The following GALNT2 variants were observed in gnomAD, a reference collection of about 807,000 sequenced individuals.
GALNT2 encodes the protein polypeptide N-acetylgalactosaminyltransferase 2.
Under a neutral mutation model 81.4 loss-of-function variants are expected in GALNT2, and 31 were observed. The observed-to-expected ratio is 0.38, with a 90% CI of 0.29 to 0.51. GALNT2 has a LOEUF of 0.51. GALNT2 is among the 20% of genes least tolerant of loss of function. The probability of loss-of-function intolerance (pLI) is 0.87; values close to 1 mark genes in which losing one functional copy is unlikely to be tolerated. For synonymous variants in GALNT2, 303 were observed against 287.4 expected, an observed-to-expected ratio of 1.05 and a Z score of -0.55; for missense variants, 629 against 765.7, an observed-to-expected ratio of 0.82 and a Z score of 2.11.
Position 230,243,507 on chromosome 1 carries a change from G to A in GALNT2, c.729+80G>A. 1 of 1,540,796 alleles carries A rather than the reference G, an allele frequency of 6.5e-7. No homozygotes were observed. The highest frequency in any genetic ancestry group is 1.2e-5 in the South Asian group (1 of 83,604). On this transcript the variant is annotated intron_variant, in intron 7 of 15. Transcript: ENST00000366672. This position sits in a 1 kb window ranked among gnomAD's most constrained non-coding sequence, Gnocchi z 4.2. ...ACAGAAGGGAGCATGGTCCAGGGGA[G>A]GTGTAACGCAGGGAGTAGGGCGTCA...
chr1:230,262,670 G>A lies in GALNT2; in HGVS notation c.1229+5G>A, dbSNP rs548289813. ...TAGAAACGTTCCTTATGGAAAGTAA[G>A]TGGCAGTTCTGCCTTCTCACAATTA... On this transcript the variant is annotated splice_donor_5th_base_variant and intron_variant, in intron 12 of 15. Transcript: ENST00000366672. The A allele has an allele frequency of 3.2e-5, 51 of 1,609,302 alleles. 3 individuals are homozygous for A. The South Asian group carries it at 5.3e-4, about 17-fold the overall frequency.
At chr1:230,266,030 A>G (rs1296276647) in intron 14 of GALNT2, among the ~76,000 whole-genome samples, 1 of 152,120 alleles carries the variant, frequency 6.6e-6, no homozygotes, top group Non-Finnish European at 1.5e-5. Context: ...ATCTCTGCTA[A>G]AAATAAAAAA....
Position 230,067,333 on chromosome 1 carries a change from G to A in GALNT2, c.53G>A (p.Gly18Asp). The part of the protein sequence containing the change: ...LLCFAFLWVL[G>D]IAYYMYSGGG... The stretch of plus-strand genomic sequence containing the variant: ...TGCTTCGCCTTCCTGTGGGTGCTGG[G>A]CATCGCCTACTACATGTACTCGGGG... Residue 18 changes from glycine to aspartate, a missense_variant, in exon 1 of 16, where the codon GGC (glycine) becomes GAC (aspartate). Around this residue, in one of 3 missense-constraint regions of GALNT2, gnomAD observed 62 missense variants for 47.3 expected, o/e 1.31. Transcript: ENST00000366672. 7.2e-7 allele frequency: 1 copy of A among 1,390,312 alleles called. No homozygotes were observed. The highest frequency in any genetic ancestry group is 1.5e-5 in the South Asian group (1 of 64,792). 86.1% of individuals were successfully genotyped at this position (1,390,312 alleles called of 1,614,324 possible).
At chr1:230,152,038 G>A (rs61826566) in intron 1 of GALNT2, among the ~76,000 whole-genome samples, 2 of 152,172 alleles carry the variant, frequency 1.3e-5, no homozygotes, top group Non-Finnish European at 2.9e-5. Context: ...TGGTTTTGGT[G>A]GGTTTTGGCC....
intron 6 of GALNT2, among the ~76,000 whole-genome samples, chr1:230,238,222 A>G (rs1038795525): frequency 6.6e-6 from 1 of 152,240 alleles, no homozygotes; most frequent in Admixed American, 6.5e-5. Context: ...TAGTGATGCT[A>G]CTAGATGACA....
At chr1:230,064,112 A>G (rs551859160), upstream of GALNT2, among the ~76,000 whole-genome samples, 89 of 152,268 alleles carry the variant, frequency 5.8e-4, no homozygotes, top group African/African-American at 2.1e-3. Context: ...TTTTTAATAT[A>G]TTACCCTTAA....
chr1:230,244,041 G>A (rs543667538), intron 7 of GALNT2, among the ~76,000 whole-genome samples: 19 of 151,552 alleles, frequency 1.3e-4, no homozygotes, highest in Non-Finnish European at 2.1e-4. Flanking sequence ...CACTTCTCTC[G>A]CCTTCTGCTT....
intron 1 of GALNT2, among the ~76,000 whole-genome samples, chr1:230,134,972 G>A (rs923469348): frequency 8.5e-5 from 13 of 152,222 alleles, no homozygotes; most frequent in Admixed American, 7.2e-4. Flanking sequence ...TGGCCTGCCT[G>A]TTGTGAGGCT....
chr1:230,126,508 G>A (rs1204926084), intron 1 of GALNT2, among the ~76,000 whole-genome samples: 1 of 152,046 alleles, frequency 6.6e-6, no homozygotes, highest in African/African-American at 2.4e-5. Flanking sequence ...CCGATGCCTC[G>A]AGAGGGTTTG....
intron 1 of GALNT2, 101 bp downstream of exon 1, chr1:230,067,507 G>C (rs1296327974): frequency 7.7e-6 from 3 of 390,878 alleles, no homozygotes; most frequent in South Asian, 1.2e-4. Flanking sequence ...TCCTCCGCCC[G>C]GACCTCCGCT....
At chr1:230,176,180 C>T (rs1662972686) in intron 1 of GALNT2, among the ~76,000 whole-genome samples, 1 of 151,636 alleles carries the variant, frequency 6.6e-6, no homozygotes, top group African/African-American at 2.4e-5. Flanking sequence ...GAGTGCTCAC[C>T]CTGCACTAGT....
intron 1 of GALNT2, among the ~76,000 whole-genome samples, chr1:230,113,678 C>G (rs1660765094): frequency 6.6e-6 from 1 of 152,076 alleles, no homozygotes; most frequent in Admixed American, 6.5e-5. Context: ...GGACTTTCCC[C>G]AGCACAGACA....
Position 230,274,685 on chromosome 1 carries a change from C to G in GALNT2, c.1560+121C>G, listed in dbSNP as rs1666239093. 2.3e-5 allele frequency: 28 copies of G among 1,198,948 alleles called. No homozygotes were observed. In the South Asian group the frequency reaches 5.3e-4, roughly 23 times the overall value. The allele number at this position is 1,198,948 out of a possible 1,614,324, so 74.3% of individuals were successfully genotyped here. ...CCATCTCTGCGTGTACTTATGTGTT[C>G]TTTTGCATCACTGTGAATAATGTCT... On this transcript the variant is annotated intron_variant, in intron 15 of 15. Coordinates refer to ENST00000366672, the MANE Select transcript of GALNT2 (RefSeq NM_004481.5).
intron 1 of GALNT2, among the ~76,000 whole-genome samples, chr1:230,173,355 A>G (rs1023756144): frequency 2.0e-5 from 3 of 152,156 alleles, no homozygotes; most frequent in African/African-American, 7.2e-5. Context: ...CCTCTGGTTA[A>G]ACTTCCCTGA....
chr1:230,141,833 T>G (rs12117086), intron 1 of GALNT2, among the ~76,000 whole-genome samples: 39,999 of 144,106 alleles, frequency 0.28, 6,164 homozygotes, highest in East Asian at 0.63. Flanking sequence ...CGCTCTATTG[T>G]CCAGGCTGAA....
At chr1:230,246,416 A>G (rs1665372887) in intron 8 of GALNT2, among the ~76,000 whole-genome samples, 1 of 152,176 alleles carries the variant, frequency 6.6e-6, no homozygotes, top group Non-Finnish European at 1.5e-5. Flanking sequence ...GGTTCCATGA[A>G]CAGATATGGC....
intron 1 of GALNT2, among the ~76,000 whole-genome samples, chr1:230,067,690 G>T (rs1659241165): frequency 6.6e-6 from 1 of 152,196 alleles, no homozygotes; most frequent in South Asian, 2.1e-4. Context: ...TTGTCCGGCC[G>T]CCGGGAGCCC....
At chr1:230,147,889 A>G (rs114921319) in intron 1 of GALNT2, among the ~76,000 whole-genome samples, 1,568 of 152,296 alleles carry the variant, frequency 0.01, 28 homozygotes, top group African/African-American at 0.036. Flanking sequence ...TCTAAGCATG[A>G]TTGCTTGTTG....
intron 1 of GALNT2, among the ~76,000 whole-genome samples, chr1:230,108,114 G>A (rs1468012811): frequency 6.6e-6 from 1 of 152,332 alleles, no homozygotes; most frequent in Non-Finnish European, 1.5e-5. Flanking sequence ...GAGAAGGCAG[G>A]CTCTGCTGCC....
Sources: gnomAD v4.1 joint callset for allele counts (sites outside exome capture counted in the v4.1 genomes callset) on GRCh38, gnomAD v4.1.1 for gene constraint, gnomAD v4.1.1 regional missense constraint, Gnocchi (gnomAD v3.1) non-coding constraint, MANE v1.5 for transcripts, NCBI Gene and HGNC (gene_info 2026-07-23, HGNC 2026-07-21) for gene names.